Variants in OTOP3 observed in about 807,000 individuals in gnomAD.
OTOP3 encodes otopetrin 3.
Under a neutral mutation model 50.8 loss-of-function variants are expected in OTOP3, and 41 were observed. That is an observed-to-expected ratio of 0.81 (90% CI 0.63 to 1.05). The LOEUF is 1.05. Ranked by LOEUF, OTOP3 falls within the 50% of genes least tolerant of loss-of-function variation. The pLI, the probability that OTOP3 is intolerant of heterozygous loss-of-function variation, is 0.00. For synonymous variants in OTOP3, 320 were observed against 324.4 expected (o/e 0.99, Z 0.14); for missense variants, 788 against 760.8 (o/e 1.04, Z -0.42).
intron 3 of OTOP3, 52 bp from the exon 4 acceptor site, chr17:74,943,234 G>A: frequency 6.5e-7 from 1 of 1,536,824 alleles, no homozygotes; most frequent in Admixed American, 1.7e-5. Flanking sequence ...AACTCACACT[G>A]TGGTCCCACC....
At position 74,947,129 on chromosome 17, in the gene OTOP3, G is replaced by C; in HGVS notation, c.1220G>C (p.Gly407Ala). 1 of 1,614,104 alleles carries C rather than the reference G, an allele frequency of 6.2e-7. No homozygotes were observed. Among genetic ancestry groups the C allele is most frequent in the Non-Finnish European group, 8.5e-7 (1 of 1,180,040 alleles). ...DVVLLMGAAL[G>A]QMGIAYFSIV... ...GTGCTGCTAATGGGTGCTGCACTGGGCCAGATGGGCATCGCCTATTTCTCC... is the reference window on the plus strand; with the variant it reads ...GTGCTGCTAATGGGTGCTGCACTGGCCCAGATGGGCATCGCCTATTTCTCC... Residue 407 changes from glycine (G) to alanine (A), a missense_variant, in exon 6 of 7, where the codon GGC becomes GCC. Physicochemically the swap from Gly to Ala is moderately conservative, Grantham distance 60. Transcript: ENST00000328801.
chr17:74,939,964 A>G (rs1344449848), intron 1 of OTOP3, among the ~76,000 whole-genome samples: 1 of 151,954 alleles, frequency 6.6e-6, no homozygotes, highest in Non-Finnish European at 1.5e-5. Flanking sequence ...CTTGGAGTGC[A>G]GTGGTCCAAT....
chr17:74,938,665 G>A (rs764963196), intron 1 of OTOP3, among the ~76,000 whole-genome samples: 2 of 152,142 alleles, frequency 1.3e-5, no homozygotes, highest in African/African-American at 4.8e-5. Context: ...CTCTGCCTTG[G>A]GCAGAGAACC....
In OTOP3 at chr17:74,943,616, A is replaced by T; in HGVS notation, c.643A>T (p.Met215Leu). The change falls in exon 5 of 7, where the codon ATG becomes TTG. Residue 215 changes from methionine (M) to leucine (L), a missense_variant. Coordinates refer to ENST00000328801, the MANE Select transcript of OTOP3 (RefSeq NM_001272005.2). ...TGGCATTTCCCCCAGGTGTGGCCTG[A>T]TGCTGACCCTGGCCACAAACCTGCT... ...VQTNFTRCGLMLTLATNLLLW... is the reference protein window; with the variant it reads ...VQTNFTRCGLLLTLATNLLLW... 2.5e-6 allele frequency: 4 copies of T among 1,613,716 alleles called. No homozygotes were observed. The South Asian group carries it at 4.4e-5, about 18-fold the overall frequency.
intron 6 of OTOP3, 52 bp downstream of exon 6, chr17:74,947,527 A>C (rs2039241967): frequency 6.8e-7 from 1 of 1,473,620 alleles, no homozygotes; most frequent in South Asian, 1.3e-5. Context: ...AGGCAGACCC[A>C]GAAAGCCTCA....
chr17:74,935,854 C>A, upstream of OTOP3: 1 of 1,533,886 alleles, frequency 6.5e-7, no homozygotes. Flanking sequence ...GGGAGGGCGT[C>A]GCGGGCATCG....
chr17:74,943,494 T>A, intron 4 of OTOP3, 112 bp from the exon 5 acceptor site: 1 of 1,332,746 alleles, frequency 7.5e-7, no homozygotes, highest in Non-Finnish European at 1.1e-6. Context: ...AGTGTGACAC[T>A]AGGGAGTGAG....
chr17:74,947,395 A>C lies in OTOP3; in HGVS notation c.1486A>C (p.Ile496Leu). 6.2e-7 allele frequency: 1 copy of C among 1,613,076 alleles called. No homozygotes were observed. The highest frequency in any genetic ancestry group is 8.5e-7 in the Non-Finnish European group (1 of 1,179,962). The change falls in exon 6 of 7, where the codon ATC (isoleucine) becomes CTC (leucine). Residue 496 changes from isoleucine (I) to leucine (L), a missense_variant. By Grantham distance (5) the Ile-to-Leu change is conservative. Transcript: ENST00000328801. ...CCTGCAGCGGGCCTCACTGGCCTAC[A>C]TCCACTCCTACAGCCACCTCAACTG... is the stretch of plus-strand genomic sequence containing the variant. ...QGLQRASLAY[I>L]HSYSHLNWKR... is the part of the protein sequence containing the mutation.
In OTOP3 at chr17:74,949,497, C is replaced by T. The variant is rs1233110981; in HGVS notation, c.*81C>T. The T allele has an allele frequency of 6.6e-7, 1 of 1,508,312 alleles. No individual in the cohort carries two copies. Among genetic ancestry groups the T allele is most frequent in the Non-Finnish European group, 9.0e-7 (1 of 1,115,782 alleles). The allele number at this position is 1,508,312 out of a possible 1,614,324, so 93.4% of individuals were successfully genotyped here. A position where few individuals can be genotyped will look rare whatever the true frequency, so the allele number is the denominator to read the frequency against. ...AGAGTCTCTGAGCAGATGCCTCATT[C>T]TGAGGTGCCGAGACCAGCCTGAGGC... On this transcript the variant is annotated 3_prime_UTR_variant, in exon 7 of 7. Transcript: ENST00000328801.
chr17:74,935,871 C>A, upstream of OTOP3: 1 of 1,547,736 alleles, frequency 6.5e-7, no homozygotes, highest in African/African-American at 1.4e-5. Context: ...ATCGGTCTCA[C>A]CTGGACGGAC....
chr17:74,936,714 T>C (rs1396831043), intron 1 of OTOP3, among the ~76,000 whole-genome samples: 1 of 152,142 alleles, frequency 6.6e-6, no homozygotes, highest in African/African-American at 2.4e-5. Flanking sequence ...ACCTGGAACC[T>C]TGTCCCCCAG....
intron 3 of OTOP3, among the ~76,000 whole-genome samples, chr17:74,942,343 A>G (rs1003537094): frequency 7.2e-5 from 11 of 152,210 alleles, no homozygotes; most frequent in Non-Finnish European, 1.3e-4. Context: ...TTAAGAATAC[A>G]ATCTCGGCAG....
rs555909260 is a variant in OTOP3, at chr17:74,949,140, G to A, written c.1567-106G>A. 114 of 1,121,316 alleles carry A rather than the reference G, an allele frequency of 1.0e-4. No individual in the cohort carries two copies. In the South Asian group the frequency reaches 1.6e-3, roughly 15 times the overall value. The allele number at this position is 1,121,316 out of a possible 1,614,324, so 69.5% of individuals were successfully genotyped here. ...GTTAGAAGAAGACTGAGCGGGAGGT[G>A]GGGGTGGCACTGGAGGGGCTGCAGG... On this transcript the variant is annotated intron_variant, in intron 6 of 6. Coordinates refer to ENST00000328801, the MANE Select transcript of OTOP3 (RefSeq NM_001272005.2).
chr17:74,947,086 A>G lies in OTOP3; in HGVS notation c.1177A>G (p.Thr393Ala). 6.2e-7 allele frequency: 1 copy of G among 1,614,024 alleles called. No individual in the cohort carries two copies. Among genetic ancestry groups the G allele is most frequent in the Non-Finnish European group, 8.5e-7 (1 of 1,180,018 alleles). Reference protein sequence around the residue: ...ERELDTVKNPTRSLDVVLLMG... With the variant: ...ERELDTVKNPARSLDVVLLMG... ...AGAGCTGGACACGGTCAAGAACCCT[A>G]CCCGCAGCCTGGATGTGGTGCTGCT... The change falls in exon 6 of 7, where the codon ACC becomes GCC. Residue 393 changes from threonine to alanine, a missense_variant. Thr to Ala is a moderately conservative substitution (Grantham distance 58, BLOSUM62 0). Transcript: ENST00000328801.
chr17:74,945,226 G>A (rs1294842668), intron 5 of OTOP3, among the ~76,000 whole-genome samples: 1 of 152,174 alleles, frequency 6.6e-6, no homozygotes, highest in South Asian at 2.1e-4. Flanking sequence ...AAAGTGCTGG[G>A]ATTATAGGCA....
rs1438745219 is a variant in OTOP3, at chr17:74,949,373, T to C, written c.1694T>C (p.Met565Thr). Reference sequence around the variant, plus strand: ...CTGCCTCTGGGGGTCTTCTACCGCATGCACTCTGTGGGAGGCCTGGTGGAG... The same window carrying C: ...CTGCCTCTGGGGGTCTTCTACCGCACGCACTCTGTGGGAGGCCTGGTGGAG... ...FGLPLGVFYRMHSVGGLVEVY... is the reference protein window; with the variant it reads ...FGLPLGVFYRTHSVGGLVEVY... Residue 565 changes from methionine (M) to threonine (T), a missense_variant, in exon 7 of 7, where the codon ATG becomes ACG. By Grantham distance (81) the Met-to-Thr change is moderately conservative. Coordinates refer to ENST00000328801, the MANE Select transcript of OTOP3 (RefSeq NM_001272005.2). 1.2e-6 allele frequency: 2 copies of C among 1,613,876 alleles called. No individual in the cohort carries two copies. Among genetic ancestry groups the C allele is most frequent in the South Asian group, 2.2e-5 (2 of 91,066 alleles).
Position 74,941,398 on chromosome 17 carries a change from G to A in OTOP3, c.25G>A (p.Ala9Thr), listed in dbSNP as rs1347957971. 6.7e-7 allele frequency: 1 copy of A among 1,503,650 alleles called. No homozygotes were observed. Among genetic ancestry groups the A allele is most frequent in the Non-Finnish European group, 8.9e-7 (1 of 1,125,042 alleles). The allele number at this position is 1,503,650 out of a possible 1,614,324, so 93.1% of individuals were successfully genotyped here. The part of the protein sequence containing the change: MPLPASAP[A>T]EATPMPSSEA... ...GACCCTTTCTCCATCTCCAGCCCCT[G>A]CTGAGGCTACACCCATGCCTTCTTC... Residue 9 changes from alanine to threonine, a missense_variant, in exon 2 of 7, where the codon GCT (alanine) becomes ACT (threonine). Physicochemically the swap from Ala to Thr is moderately conservative, Grantham distance 58. Transcript: ENST00000328801.
At position 74,940,565 on chromosome 17, in the gene OTOP3, G is replaced by C. The variant is rs185805569; in HGVS notation, c.20-828G>C. Among the ~76,000 whole-genome samples, 543 of 152,260 alleles carry C rather than the reference G, an allele frequency of 3.6e-3. 3 individuals carry two copies. The highest frequency in any genetic ancestry group is 0.012 in the African/African-American group (517 of 41,528). ...GAGGGAGCATGACAGCCTGAGCTCT[G>C]CCTCCTGTCAGATCAGCAGTGGCAA... On this transcript the variant is annotated intron_variant, in intron 1 of 6. Coordinates refer to ENST00000328801, the MANE Select transcript of OTOP3 (RefSeq NM_001272005.2).
At chr17:74,941,186 G>A (rs1355765348) in intron 1 of OTOP3, among the ~76,000 whole-genome samples, 6 of 152,164 alleles carry the variant, frequency 3.9e-5, no homozygotes, top group African/African-American at 7.2e-5. Flanking sequence ...TGTGCAGCAC[G>A]AGAGGTTTCC....
Sources: allele counts gnomAD v4.1 joint callset (sites outside exome capture counted in the v4.1 genomes callset), GRCh38; gene constraint gnomAD v4.1.1; transcripts MANE v1.5; gene names NCBI Gene and HGNC (gene_info 2026-07-23, HGNC 2026-07-21).